The following FCSK variants were observed in gnomAD, a reference collection of about 807,000 sequenced individuals.
FCSK encodes the protein fucose kinase.
In FCSK, 123 loss-of-function variants were observed where a neutral mutation model predicts 122.5. The observed-to-expected ratio is 1.00, with a 90% confidence interval of 0.87 to 1.17. The LOEUF (loss-of-function observed/expected upper bound fraction) is 1.17, where lower values mean the gene tolerates loss of function less well. Ranked by LOEUF, FCSK falls within the 50% of genes most tolerant of loss-of-function variation. The pLI, the probability that FCSK is intolerant of heterozygous loss-of-function variation, is 0.00. For synonymous variants in FCSK, 620 were observed against 625.5 expected (o/e 0.99, Z 0.13); for missense variants, 1,366 against 1,450.4 (o/e 0.94, Z 0.95).
intron 16 of FCSK, 43 bp from the exon 17 acceptor site, chr16:70,474,481 CCCAG>C (rs746338283): frequency 7.1e-6 from 11 of 1,546,458 alleles, no homozygotes; most frequent in Non-Finnish European, 9.6e-6. Flanking sequence ...GCAATCTGCC[CCCAG>C]CTTGGGGCTG....
At chr16:70,457,491 G>C (rs2048125798) in intron 1 of FCSK, among the ~76,000 whole-genome samples, 1 of 152,142 alleles carries the variant, frequency 6.6e-6, no homozygotes, top group African/African-American at 2.4e-5. Flanking sequence ...CTGAACTCAA[G>C]TGATCTGCCC....
rs182014215 is a variant in FCSK, at chr16:70,473,521, G to C, written c.1777+168G>C. On this transcript the variant is annotated intron_variant, in intron 15 of 23. Transcript: ENST00000288078. This position sits in a 1 kb window ranked among gnomAD's most constrained non-coding sequence, Gnocchi z 4.9. The stretch of plus-strand genomic sequence containing the variant: ...CTGGAAGGCCTCATCCTTGTCAATG[G>C]GGTTTGGTCTGAGGTTGAGGCATGT... Among the ~76,000 whole-genome samples the C allele has an allele frequency of 1.7e-4, 26 of 152,288 alleles. No homozygotes were observed. The East Asian group carries it at 5.0e-3, about 29-fold the overall frequency.
rs201023038 is a variant in FCSK, at chr16:70,463,708, C to T, written c.168C>T (p.Ser56=). The change falls in exon 3 of 24, where the codon AGC becomes AGT. Residue 56 remains serine, a synonymous_variant. Coordinates refer to ENST00000288078, the MANE Select transcript of FCSK (RefSeq NM_145059.3). ...AVEDPEKRVG[S]GGATLNALLV... is the part of the protein sequence containing the mutation. ...AGGACCCAGAGAAGCGTGTGGGCAG[C>T]GGAGGAGCCACCCTCAACGCCCTGC... The T allele has an allele frequency of 1.1e-5, 17 of 1,612,662 alleles. No homozygotes were observed. In the Admixed American group the frequency reaches 1.2e-4, roughly 11 times the overall value.
At chr16:70,469,022 T>G in intron 9 of FCSK, 54 bp downstream of exon 9, 1 of 1,608,658 alleles carries the variant, frequency 6.2e-7, no homozygotes, top group South Asian at 1.1e-5. Flanking sequence ...AGGCACTGTG[T>G]GACCTCAGGC....
chr16:70,475,056 G>A, intron 18 of FCSK, 45 bp downstream of exon 18: 6 of 1,517,880 alleles, frequency 4.0e-6, no homozygotes, highest in Non-Finnish European at 5.3e-6. Flanking sequence ...GCCAGCTGGG[G>A]GCTCGGGGCA....
Position 70,474,843 on chromosome 16 carries a change from G to C in FCSK, c.2209G>C (p.Gly737Arg). Residue 737 changes from glycine to arginine, a missense_variant, in exon 18 of 24, where the codon GGC (glycine) becomes CGC (arginine). By Grantham distance (125) the Gly-to-Arg change is moderately radical (BLOSUM62 -2). Transcript: ENST00000288078. ...LAYELGGAVL[G>R]LAVRVDGRRP... ...CTATGAGCTTGGCGGGGCTGTGCTG[G>C]GCCTGGCTGTGCGAGTGGACGGCCG... The C allele has an allele frequency of 6.3e-7, 1 of 1,595,838 alleles. No homozygotes were observed. The highest frequency in any genetic ancestry group is 8.5e-7 in the Non-Finnish European group (1 of 1,172,394).
chr16:70,454,887 G>C (rs1227033485), intron 1 of FCSK: 3 of 152,278 alleles, frequency 2.0e-5, no homozygotes, highest in Admixed American at 1.3e-4. Context: ...CGGACCTGCT[G>C]GCAGCTGGGA....
Position 70,466,245 on chromosome 16 carries a change from C to A in FCSK, c.399C>A (p.Ile133=). The change falls in exon 5 of 24, where the codon ATC becomes ATA. Residue 133 remains isoleucine, a synonymous_variant. Transcript: ENST00000288078. The part of the protein sequence containing the change: ...LVCNLDCLLD[I]MTYRLGPGSP... ...GCAACCTGGACTGCCTGCTGGACAT[C>A]ATGACCTATCGGGTGAGGCTGGGTG... The A allele has an allele frequency of 6.2e-7, 1 of 1,614,014 alleles. No homozygotes were observed. Among genetic ancestry groups the A allele is most frequent in the Non-Finnish European group, 8.5e-7 (1 of 1,179,902 alleles).
chr16:70,464,118 G>C (rs1597609765), intron 3 of FCSK, among the ~76,000 whole-genome samples: 1 of 152,270 alleles, frequency 6.6e-6, no homozygotes, highest in East Asian at 1.9e-4. Flanking sequence ...CTTTGGGCAG[G>C]CCATGTGAGT....
At chr16:70,469,363 T>A (rs761493477) in intron 10 of FCSK, 40 bp downstream of exon 10, 1 of 1,535,550 alleles carries the variant, frequency 6.5e-7, no homozygotes, top group Admixed American at 1.9e-5. Context: ...GGGGAGACCA[T>A]GGGAGTGAGG....
Position 70,473,208 on chromosome 16 carries a change from C to G in FCSK, c.1632C>G (p.Ala544=). The G allele has an allele frequency of 6.5e-7, 1 of 1,537,042 alleles. No homozygotes were observed. ...GCCTGGATCGGGCTGCCACGCTGGC[C>G]TCTCGCCGGGACCTGTTCTTCCGCC... is the stretch of plus-strand genomic sequence containing the variant. ...QPCLDRAATL[A]SRRDLFFRQA... Residue 544 remains alanine (A), a synonymous_variant, in exon 15 of 24, where the codon GCC becomes GCG. Coordinates refer to ENST00000288078, the MANE Select transcript of FCSK (RefSeq NM_145059.3). The surrounding 1 kb of genome is among the most constrained non-coding windows in gnomAD (Gnocchi z 4.9).
intron 1 of FCSK, among the ~76,000 whole-genome samples, chr16:70,460,956 G>A (rs2048247283): frequency 6.6e-6 from 1 of 152,202 alleles, no homozygotes; most frequent in Admixed American, 6.5e-5. Context: ...TTGGAGGGAG[G>A]GCTTGGTGGG....
rs750666249 is a variant in FCSK at position 70,479,288 on chromosome 16, C to T, written c.3038C>T (p.Ala1013Val). The T allele has an allele frequency of 3.7e-6, 6 of 1,613,772 alleles. No individual in the cohort carries two copies. The Admixed American group carries it at 6.7e-5, about 18-fold the overall frequency. The change falls in exon 23 of 24, where the codon GCC (alanine) becomes GTC (valine). Residue 1013 changes from alanine (A) to valine (V), a missense_variant. By Grantham distance (64) the Ala-to-Val change is moderately conservative (BLOSUM62 0). Transcript: ENST00000288078. ...LTVRRMMDVL[A>V]PHVHGQSLAG... Reference sequence around the variant, plus strand: ...GTGCGGCGTATGATGGATGTCCTGGCCCCCCACGTGCATGGCCAGAGCCTG... The same window carrying T: ...GTGCGGCGTATGATGGATGTCCTGGTCCCCCACGTGCATGGCCAGAGCCTG...
At chr16:70,457,834 C>A (rs1333321117) in intron 1 of FCSK, 2 of 150,718 alleles carry the variant, frequency 1.3e-5, no homozygotes, top group African/African-American at 2.4e-5. Context: ...TGGGCTCAAG[C>A]CATCCGCCTG....
chr16:70,461,680 G>T (rs1334697000), intron 1 of FCSK, among the ~76,000 whole-genome samples: 1 of 144,220 alleles, frequency 6.9e-6, no homozygotes, highest in African/African-American at 3.0e-5. Context: ...ATCAGCTTGA[G>T]GAGCCTGGGG....
chr16:70,460,146 G>A (rs1358088318), intron 1 of FCSK, among the ~76,000 whole-genome samples: 2 of 136,142 alleles, frequency 1.5e-5, no homozygotes, highest in South Asian at 2.2e-4. Context: ...TCGCTCTGTC[G>A]CCCAGGCTGG....
chr16:70,465,490 C>T (rs1345494099), intron 4 of FCSK, among the ~76,000 whole-genome samples: 3 of 151,856 alleles, frequency 2.0e-5, no homozygotes, highest in Non-Finnish European at 2.9e-5. Flanking sequence ...GAAACCTCAT[C>T]TCTATAAGAA....
chr16:70,475,482 G>A lies in FCSK; in HGVS notation c.2510G>A (p.Gly837Asp). 1 of 1,603,188 alleles carries A rather than the reference G, an allele frequency of 6.2e-7. No homozygotes were observed. The highest frequency in any genetic ancestry group is 8.5e-7 in the Non-Finnish European group (1 of 1,178,268). ...ELHTWSELPH[G>D]SGLGTSSILA... is the part of the protein sequence containing the mutation. ...CACACCTGGTCTGAGCTGCCCCACGGCTCTGGCCTGGGTGAGCGGGCCCTG... is the reference window on the plus strand; with the variant it reads ...CACACCTGGTCTGAGCTGCCCCACGACTCTGGCCTGGGTGAGCGGGCCCTG... Residue 837 changes from glycine to aspartate, a missense_variant, in exon 19 of 24, where the codon GGC becomes GAC. Transcript: ENST00000288078.
chr16:70,471,502 G>C, intron 13 of FCSK, 150 bp downstream of exon 13: 1 of 792,698 alleles, frequency 1.3e-6, no homozygotes, highest in Non-Finnish European at 1.9e-6. Flanking sequence ...AGAGAATGAG[G>C]GAGGAGATAG....
Sources: gnomAD v4.1 joint callset for allele counts (sites outside exome capture counted in the v4.1 genomes callset) on GRCh38, gnomAD v4.1.1 for gene constraint, Gnocchi (gnomAD v3.1) non-coding constraint, MANE v1.5 for transcripts, NCBI Gene and HGNC (gene_info 2026-07-23, HGNC 2026-07-21) for gene names.